Variants in HDAC8 observed in about 807,000 individuals in gnomAD.
HDAC8 encodes the protein histone deacetylase 8, also known as histone deacetylase-like 1.
A neutral mutation model predicts 32.2 loss-of-function variants in HDAC8; 1 was observed. The ratio of observed to expected loss-of-function variants is 0.03; its 90% CI spans 0.01 to 0.15. The LOEUF is 0.15. HDAC8 is among the 10% of genes least tolerant of loss of function. The pLI is 1.00. For synonymous variants in HDAC8, 108 were observed against 113.9 expected (o/e 0.95, Z 0.33); for missense variants, 117 against 300.0 (o/e 0.39, Z 4.51).
intron 10 of HDAC8, among the ~76,000 whole-genome samples, chrX:72,348,269 CTT>C (rs782244096): frequency 1.8e-5 from 2 of 112,321 alleles, no homozygotes; most frequent in Admixed American, 9.4e-5. Context: ...ACATCCTACT[CTT>C]TGTTTTTCAT....
chrX:72,515,669 G>A (rs1478206098), intron 4 of HDAC8, among the ~76,000 whole-genome samples: 1 of 110,417 alleles, frequency 9.1e-6, no homozygotes, highest in Non-Finnish European at 1.9e-5. Context: ...GCCCTATTGT[G>A]ACAAGCAATG....
At chrX:72,388,474 T>C (rs2045516455) in intron 9 of HDAC8, among the ~76,000 whole-genome samples, 1 of 109,799 alleles carries the variant, frequency 9.1e-6, no homozygotes, top group Non-Finnish European at 1.9e-5. Flanking sequence ...TCATCAAGTC[T>C]TGTTGGTCTA....
At chrX:72,463,080 G>A (rs2047909633) in intron 8 of HDAC8, among the ~76,000 whole-genome samples, 1 of 111,479 alleles carries the variant, frequency 9.0e-6, no homozygotes, top group South Asian at 3.7e-4. Flanking sequence ...TCTCAATGGG[G>A]TCCACTGAAG....
At chrX:72,474,251 T>C (rs2048266774) in intron 7 of HDAC8, 1 of 736,185 alleles carries the variant, frequency 1.4e-6, no homozygotes, top group Non-Finnish European at 1.6e-6. Context: ...CAATTTTCTA[T>C]GTTTTATTTA....
chrX:72,487,579 C>T (rs2048718475), intron 7 of HDAC8, among the ~76,000 whole-genome samples: 1 of 109,825 alleles, frequency 9.1e-6, no homozygotes, highest in Non-Finnish European at 1.9e-5. Flanking sequence ...GTAAGGTGAT[C>T]CATTTAGGGT....
chrX:72,451,836 AAGAC>A (rs2148014445), intron 9 of HDAC8, among the ~76,000 whole-genome samples: 1 of 112,380 alleles, frequency 8.9e-6, no homozygotes, highest in Non-Finnish European at 1.9e-5. Context: ...TGATTCCTGA[AAGAC>A]AGAGGATACG....
At chrX:72,540,899 C>G (rs2050683491) in intron 4 of HDAC8, among the ~76,000 whole-genome samples, 1 of 111,432 alleles carries the variant, frequency 9.0e-6, no homozygotes, top group African/African-American at 3.3e-5. Context: ...TCTACTGCAA[C>G]TTTCACGCTT....
chrX:72,513,733 C>T (rs985135162), intron 4 of HDAC8, among the ~76,000 whole-genome samples: 3 of 111,416 alleles, frequency 2.7e-5, no homozygotes, highest in Non-Finnish European at 3.8e-5. Context: ...AAATAACCTC[C>T]AGATTATACA....
At chrX:72,405,613 C>G (rs1172540346) in intron 9 of HDAC8, among the ~76,000 whole-genome samples, 2 of 112,265 alleles carry the variant, frequency 1.8e-5, no homozygotes, top group Non-Finnish European at 3.8e-5. Context: ...TCTCTGCAAC[C>G]TCACCACCAT....
chrX:72,466,758 G>C (rs1361659448), intron 7 of HDAC8: 3 of 112,258 alleles, frequency 2.7e-5, no homozygotes, highest in Non-Finnish European at 5.6e-5. Flanking sequence ...GTAGGAACTT[G>C]TACATGAATG....
chrX:72,571,236 G>A (rs1556153793), intron 2 of HDAC8, among the ~76,000 whole-genome samples: 3 of 111,716 alleles, frequency 2.7e-5, no homozygotes, highest in Non-Finnish European at 3.8e-5. Flanking sequence ...CTTTGGTCTT[G>A]ATCTGTCTCC....
chrX:72,458,056 G>A (rs1257316369), intron 9 of HDAC8, among the ~76,000 whole-genome samples: 2 of 111,689 alleles, frequency 1.8e-5, no homozygotes, highest in Non-Finnish European at 3.8e-5. Flanking sequence ...GATCTAAATA[G>A]TAGTACTGGA....
intron 4 of HDAC8, among the ~76,000 whole-genome samples, chrX:72,506,104 A>G (rs782489045): frequency 1.8e-5 from 2 of 111,894 alleles, no homozygotes; most frequent in East Asian, 2.8e-4. Context: ...CAGTGGCTCA[A>G]TATAAACCTA....
chrX:72,411,367 G>A (rs887138153), intron 9 of HDAC8, among the ~76,000 whole-genome samples: 9 of 112,114 alleles, frequency 8.0e-5, no homozygotes, highest in South Asian at 3.7e-4. Flanking sequence ...CGCCTGGAAT[G>A]CAGCTCTTTG....
intron 9 of HDAC8, among the ~76,000 whole-genome samples, chrX:72,413,222 T>C (rs1374357670): frequency 1.8e-5 from 2 of 108,849 alleles, no homozygotes; most frequent in African/African-American, 6.7e-5. Flanking sequence ...ACCCATTAAC[T>C]CATCATTTAA....
chrX:72,440,347 C>A (rs2047089753), intron 9 of HDAC8, among the ~76,000 whole-genome samples: 1 of 111,663 alleles, frequency 9.0e-6, no homozygotes, highest in Admixed American at 9.5e-5. Flanking sequence ...AAATTTATAG[C>A]ACTAAGTGCC....
chrX:72,430,548 A>G (rs781899586), intron 9 of HDAC8, among the ~76,000 whole-genome samples: 10 of 112,471 alleles, frequency 8.9e-5, no homozygotes, highest in Non-Finnish European at 1.9e-4. Context: ...TCTCTCAGGC[A>G]CTATTAGTCA....
At chrX:72,515,079 T>C (rs1249189157) in intron 4 of HDAC8, among the ~76,000 whole-genome samples, 4 of 111,584 alleles carry the variant, frequency 3.6e-5, no homozygotes, top group African/African-American at 1.3e-4. Flanking sequence ...ATCTACTCTC[T>C]TGGCAGATTT....
intron 9 of HDAC8, among the ~76,000 whole-genome samples, chrX:72,416,518 T>A (rs1294254505): frequency 2.0e-5 from 2 of 101,493 alleles, no homozygotes; most frequent in South Asian, 4.7e-4. Context: ...ATTGAATTTA[T>A]TATTATTCTG....
Sources: allele counts gnomAD v4.1 joint callset (sites outside exome capture counted in the v4.1 genomes callset), GRCh38; gene constraint gnomAD v4.1.1; transcripts MANE v1.5; gene names NCBI Gene and HGNC (gene_info 2026-07-23, HGNC 2026-07-21).